Variants in BARD1 observed in about 807,000 individuals in gnomAD.
BARD1 encodes BRCA1-associated RING domain protein 1.
BARD1 carries 73 observed loss-of-function variants against 77.0 expected under a neutral mutation model. The ratio of observed to expected loss-of-function variants is 0.95; its 90% CI spans 0.79 to 1.15. The LOEUF (loss-of-function observed/expected upper bound fraction) is 1.15. BARD1 is among the 50% of genes most tolerant of loss of function. The probability of loss-of-function intolerance (pLI) is 0.00; values close to 1 mark genes in which losing one functional copy is unlikely to be tolerated. For missense variants in BARD1, 993 were observed against 938.8 expected (o/e 1.06, Z -0.75); for synonymous variants, 384 against 338.0 (o/e 1.14, Z -1.49).
At chr2:214,784,825 A>G (rs1695196442) in intron 3 of BARD1, among the ~76,000 whole-genome samples, 1 of 152,150 alleles carries the variant, frequency 6.6e-6, no homozygotes, top group Non-Finnish European at 1.5e-5. Flanking sequence ...GAGGTGAACA[A>G]TGAGAACACA....
At chr2:214,786,371 A>G (rs1313085619) in intron 3 of BARD1, among the ~76,000 whole-genome samples, 4 of 151,986 alleles carry the variant, frequency 2.6e-5, no homozygotes, top group Non-Finnish European at 5.9e-5. Flanking sequence ...TCCACATAGA[A>G]CAGCTTGTTT....
rs1430050665 is a variant in BARD1 at position 214,795,532 on chromosome 2, G to A, written c.215+1529C>T. ...TTATCGTGATTTTTCAAAGATCACT[G>A]TCAAGAATGTAGAAAATGAGGAAGG... On this transcript the variant is annotated intron_variant, in intron 2 of 10. Coordinates refer to ENST00000260947, the MANE Select transcript of BARD1 (RefSeq NM_000465.4). 4.6e-5 allele frequency among the ~76,000 whole-genome samples: 7 copies of A among 152,116 alleles called. No homozygotes were observed. The East Asian group carries it at 1.3e-3, about 29-fold the overall frequency.
chr2:214,768,267 A>C (rs16852659), intron 5 of BARD1, among the ~76,000 whole-genome samples: 56,451 of 151,994 alleles, frequency 0.37, 10,610 homozygotes, highest in Middle Eastern at 0.44. Context: ...CTGTATTCTA[A>C]TAAATCTCTG....
intron 7 of BARD1, among the ~76,000 whole-genome samples, chr2:214,750,675 G>A (rs1693363397): frequency 6.6e-6 from 1 of 152,094 alleles, no homozygotes; most frequent in African/African-American, 2.4e-5. Context: ...CCCCAGGAGG[G>A]GCTGTCAAAA....
chr2:214,732,897 GGAGT>G (rs1192726763), intron 9 of BARD1, among the ~76,000 whole-genome samples: 1 of 152,050 alleles, frequency 6.6e-6, no homozygotes, highest in Non-Finnish European at 1.5e-5. Context: ...TGCAGAATTT[GGAGT>G]AAGCGACAGA....
Position 214,809,418 on chromosome 2 carries a change from G to C in BARD1, c.152C>G (p.Ser51Trp), listed in dbSNP as rs766788652. 3 of 1,612,386 alleles carry C rather than the reference G, an allele frequency of 1.9e-6. No individual in the cohort carries two copies. Among genetic ancestry groups the C allele is most frequent in the South Asian group, 2.2e-5 (2 of 91,000 alleles). ...CAAGAAGCTCCGTCTTTACCAACGC[G>C]AGCAGCGCAGCAGCTTCTCCAGGCG... ...LDRLEKLLRC[S>W]RCTNILREPV... The change falls in exon 1 of 11, where the codon TCG becomes TGG. Residue 51 changes from serine to tryptophan, a missense_variant. By Grantham distance (177) the Ser-to-Trp change is radical. Coordinates refer to ENST00000260947, the MANE Select transcript of BARD1 (RefSeq NM_000465.4).
At chr2:214,740,001 A>G (rs1018589871) in intron 9 of BARD1, among the ~76,000 whole-genome samples, 3 of 152,062 alleles carry the variant, frequency 2.0e-5, no homozygotes, top group Non-Finnish European at 4.4e-5. Flanking sequence ...ATTATGCATA[A>G]TAATATCAAA....
intron 9 of BARD1, among the ~76,000 whole-genome samples, chr2:214,739,714 T>C (rs548422446): frequency 6.6e-6 from 1 of 152,180 alleles, no homozygotes; most frequent in Non-Finnish European, 1.5e-5. Context: ...AATGTTTCCA[T>C]TTAAGATTTG....
intron 3 of BARD1, among the ~76,000 whole-genome samples, chr2:214,788,668 T>G (rs951041533): frequency 3.9e-5 from 6 of 152,078 alleles, no homozygotes; most frequent in Non-Finnish European, 8.8e-5. Flanking sequence ...CTTCTACACA[T>G]GACCATTTAA....
intron 8 of BARD1, 43 bp downstream of exon 8, chr2:214,745,679 T>A: frequency 6.2e-7 from 1 of 1,607,458 alleles, no homozygotes; most frequent in Non-Finnish European, 8.5e-7. Flanking sequence ...ATCATCTATT[T>A]AACATTTTTT....
intron 3 of BARD1, 97 bp from the exon 4 acceptor site, chr2:214,781,606 T>A (rs765807639): frequency 4.9e-5 from 45 of 915,042 alleles, no homozygotes; most frequent in Middle Eastern, 6.6e-4. Flanking sequence ...CTAAAGTGTA[T>A]CATCTTTTAA....
At position 214,769,326 on chromosome 2, in the gene BARD1, C is replaced by A. The variant is rs754486162; in HGVS notation, c.1315-14G>T. ...AGGTATGTCGCCCTAGAAAAATGAA[C>A]AAAACGGAAATTAAAAAGCATTAAG... On this transcript the variant is annotated splice_polypyrimidine_tract_variant and intron_variant, in intron 4 of 10. Transcript: ENST00000260947. The A allele has an allele frequency of 1.3e-6, 2 of 1,598,802 alleles. No individual in the cohort carries two copies. Among genetic ancestry groups the A allele is most frequent in the Non-Finnish European group, 1.7e-6 (2 of 1,166,284 alleles).
At chr2:214,798,483 A>T (rs1193642569) in intron 1 of BARD1, among the ~76,000 whole-genome samples, 2 of 152,102 alleles carry the variant, frequency 1.3e-5, no homozygotes, top group Non-Finnish European at 2.9e-5. Context: ...TTTCGTGGCA[A>T]GCTCCTCCTA....
At chr2:214,808,445 A>C (rs2106167830) in intron 1 of BARD1, among the ~76,000 whole-genome samples, 1 of 152,330 alleles carries the variant, frequency 6.6e-6, no homozygotes, top group Middle Eastern at 3.4e-3. Flanking sequence ...TGTTACTTAT[A>C]CTTTATGCAA....
intron 3 of BARD1, among the ~76,000 whole-genome samples, chr2:214,783,235 C>A (rs1695122324): frequency 6.6e-6 from 1 of 152,082 alleles, no homozygotes; most frequent in Admixed American, 6.6e-5. Flanking sequence ...TGGACCCATG[C>A]AGCTCAAGCC....
chr2:214,759,916 T>TA (rs1693872449), intron 6 of BARD1, among the ~76,000 whole-genome samples: 1 of 152,178 alleles, frequency 6.6e-6, no homozygotes, highest in East Asian at 1.9e-4. Context: ...CCTTGCCTTA[T>TA]AAGGTTTCAA....
intron 10 of BARD1, among the ~76,000 whole-genome samples, chr2:214,729,367 G>A (rs2105988757): frequency 6.6e-6 from 1 of 152,260 alleles, no homozygotes; most frequent in Non-Finnish European, 1.5e-5. Flanking sequence ...TTCCACTTGT[G>A]GCATCATGTC....
chr2:214,745,609 T>C, intron 8 of BARD1, 113 bp downstream of exon 8: 1 of 1,330,604 alleles, frequency 7.5e-7, no homozygotes, highest in Non-Finnish European at 1.1e-6. Flanking sequence ...ATGCAAAGTA[T>C]ACAGCCATCT....
intron 2 of BARD1, 23 bp downstream of exon 2, chr2:214,797,038 T>C (rs1695786937): frequency 6.4e-7 from 1 of 1,569,734 alleles, no homozygotes; most frequent in Non-Finnish European, 8.8e-7. Context: ...TTGTACTATA[T>C]ACATCAAACC....
Sources: allele counts gnomAD v4.1 joint callset (sites outside exome capture counted in the v4.1 genomes callset), GRCh38; gene constraint gnomAD v4.1.1; transcripts MANE v1.5; gene names NCBI Gene and HGNC (gene_info 2026-07-23, HGNC 2026-07-21).